CNTN4: variants seen among roughly 807,000 people sequenced by gnomAD.
CNTN4 encodes contactin 4.
Under a neutral mutation model 122.5 loss-of-function variants are expected in CNTN4, and 77 were observed. That is an observed-to-expected ratio of 0.63 (90% CI 0.52 to 0.76). CNTN4 has a LOEUF of 0.76. CNTN4 is among the 30% of genes least tolerant of loss of function. CNTN4 has a pLI of 0.00. For synonymous variants in CNTN4, 512 were observed against 447.0 expected (o/e 1.15, Z -1.83); for missense variants, 1,256 against 1,259.1 (o/e 1.00, Z 0.04).
chr3:2,570,971 G>A (rs1324499535), intron 3 of CNTN4, among the ~76,000 whole-genome samples: 2 of 152,154 alleles, frequency 1.3e-5, no homozygotes, highest in Admixed American at 6.5e-5. Flanking sequence ...TTTCCCACAC[G>A]ATATAACTCC....
At chr3:2,617,902 A>G (rs1190548597) in intron 4 of CNTN4, among the ~76,000 whole-genome samples, 9 of 152,236 alleles carry the variant, frequency 5.9e-5, no homozygotes, top group Admixed American at 5.9e-4. Flanking sequence ...ATAAGTATGC[A>G]TATAAAAAAT....
intron 10 of CNTN4, among the ~76,000 whole-genome samples, chr3:2,893,118 C>A (rs1353874692): frequency 1.3e-5 from 2 of 152,144 alleles, no homozygotes; most frequent in Non-Finnish European, 2.9e-5. Flanking sequence ...AAGTTGGTCA[C>A]CTGGTTATTG....
intron 3 of CNTN4, among the ~76,000 whole-genome samples, chr3:2,517,764 G>C (rs958942127): frequency 6.6e-6 from 1 of 152,140 alleles, no homozygotes; most frequent in African/African-American, 2.4e-5. Flanking sequence ...GTGCCTTTCA[G>C]ATAGGTAAAG....
intron 3 of CNTN4, among the ~76,000 whole-genome samples, chr3:2,343,949 G>A (rs144029990): frequency 6.6e-6 from 1 of 152,266 alleles, no homozygotes; most frequent in East Asian, 1.9e-4. Context: ...CAGCAGGCAT[G>A]CCACAAGGTC....
intron 3 of CNTN4, among the ~76,000 whole-genome samples, chr3:2,349,626 T>C (rs1199404609): frequency 6.6e-6 from 1 of 152,228 alleles, no homozygotes; most frequent in East Asian, 1.9e-4. Flanking sequence ...GTAAAAATGA[T>C]ACATTTGTTT....
intron 2 of CNTN4, among the ~76,000 whole-genome samples, chr3:2,272,252 T>A (rs2041327791): frequency 6.6e-6 from 1 of 152,130 alleles, no homozygotes; most frequent in Non-Finnish European, 1.5e-5. Context: ...ATGATTAAAA[T>A]CATCCACAAT....
chr3:2,384,862 A>G (rs1264552134), intron 3 of CNTN4, among the ~76,000 whole-genome samples: 1 of 151,318 alleles, frequency 6.6e-6, no homozygotes, highest in African/African-American at 2.4e-5. Flanking sequence ...TTTTTAACCT[A>G]TTTTTGCAGA....
chr3:2,634,841 G>T (rs534657479), intron 4 of CNTN4, among the ~76,000 whole-genome samples: 205 of 152,006 alleles, frequency 1.3e-3, no homozygotes, highest in Admixed American at 2.4e-3. Flanking sequence ...GGGTGACAGA[G>T]TGAGACTCCA....
chr3:2,507,022 T>A (rs949881136), intron 3 of CNTN4, among the ~76,000 whole-genome samples: 1 of 152,184 alleles, frequency 6.6e-6, no homozygotes, highest in African/African-American at 2.4e-5. Context: ...TTGTGCTGAA[T>A]GTGGTAATTT....
At chr3:2,099,900 A>G (rs1054990988) in intron 1 of CNTN4, 2 of 152,214 alleles carry the variant, frequency 1.3e-5, no homozygotes, top group Admixed American at 6.5e-5. Flanking sequence ...TTTACTATTT[A>G]TGAAGGGTGT....
chr3:2,202,112 G>A (rs2038124591), intron 2 of CNTN4, among the ~76,000 whole-genome samples: 1 of 152,030 alleles, frequency 6.6e-6, no homozygotes, highest in African/African-American at 2.4e-5. Context: ...GCTTTTTGAA[G>A]GAATTATGAC....
At chr3:2,570,470 C>T (rs1360228756) in intron 3 of CNTN4, among the ~76,000 whole-genome samples, 1 of 152,144 alleles carries the variant, frequency 6.6e-6, no homozygotes, top group Non-Finnish European at 1.5e-5. Context: ...AACTACTGCA[C>T]CTGGCCTTAA....
intron 7 of CNTN4, 123 bp from the exon 8 acceptor site, chr3:2,866,629 T>C: frequency 8.5e-7 from 1 of 1,179,708 alleles, no homozygotes; most frequent in Non-Finnish European, 1.2e-6. Flanking sequence ...CTGTATTTAG[T>C]GGGCTGAAAA....
At chr3:2,886,409 AT>A (rs11286679) in intron 9 of CNTN4, among the ~76,000 whole-genome samples, 44,238 of 149,904 alleles carry the variant, frequency 0.3, 6,664 homozygotes, top group Middle Eastern at 0.38. Context: ...ATAAAAAAAA[AT>A]ATATTAAAAA....
chr3:2,175,219 C>T (rs909002794), intron 2 of CNTN4, among the ~76,000 whole-genome samples: 2 of 152,086 alleles, frequency 1.3e-5, no homozygotes, highest in African/African-American at 2.4e-5. Flanking sequence ...TGCAAATGTT[C>T]ATTAGTCTCC....
At chr3:2,191,723 C>CAT (rs373967034) in intron 2 of CNTN4, among the ~76,000 whole-genome samples, 3 of 151,154 alleles carry the variant, frequency 2.0e-5, no homozygotes, top group Non-Finnish European at 4.4e-5. Flanking sequence ...CACACACACA[C>CAT]ATACACACAC....
At chr3:2,479,432 G>A (rs558789649) in intron 3 of CNTN4, among the ~76,000 whole-genome samples, 1 of 152,316 alleles carries the variant, frequency 6.6e-6, no homozygotes, top group East Asian at 1.9e-4. Flanking sequence ...CGCCTTGAAG[G>A]TCACCATAAG....
intron 3 of CNTN4, among the ~76,000 whole-genome samples, chr3:2,464,787 C>T (rs183171252): frequency 2.0e-5 from 3 of 152,316 alleles, no homozygotes; most frequent in East Asian, 1.9e-4. Context: ...TTTTCTGGTT[C>T]TTCTTCAAGG....
intron 18 of CNTN4, among the ~76,000 whole-genome samples, chr3:3,037,851 G>A (rs537149692): frequency 6.6e-5 from 10 of 152,318 alleles, no homozygotes; most frequent in African/African-American, 2.4e-4. Flanking sequence ...ATTCGAACAA[G>A]ACCAGTCAGC....
Sources: allele counts gnomAD v4.1 joint callset (sites outside exome capture counted in the v4.1 genomes callset), GRCh38; gene constraint gnomAD v4.1.1; transcripts MANE v1.5; gene names NCBI Gene and HGNC (gene_info 2026-07-23, HGNC 2026-07-21).